The following CNTN4 variants were observed in gnomAD, a reference collection of about 807,000 sequenced individuals.
CNTN4 encodes contactin 4.
Under a neutral mutation model 122.5 loss-of-function variants are expected in CNTN4, and 77 were observed. The observed-to-expected ratio is 0.63, with a 90% CI of 0.52 to 0.76. The LOEUF (loss-of-function observed/expected upper bound fraction) is 0.76, where lower values mean the gene tolerates loss of function less well. Among genes scored for constraint, CNTN4 ranks in the 30% least tolerant of loss-of-function variants. The probability of loss-of-function intolerance (pLI) is 0.00; values close to 1 mark genes in which losing one functional copy is unlikely to be tolerated. For missense variants in CNTN4, 1,256 were observed against 1,259.1 expected, an observed-to-expected ratio of 1.00 and a Z score of 0.04; for synonymous variants, 512 against 447.0, an observed-to-expected ratio of 1.15 and a Z score of -1.83.
At chr3:2,124,549 C>T (rs1031564475) in intron 2 of CNTN4, among the ~76,000 whole-genome samples, 1 of 151,718 alleles carries the variant, frequency 6.6e-6, no homozygotes, top group African/African-American at 2.4e-5. Flanking sequence ...ACCACTTGAG[C>T]CCAGGAGTTC....
intron 4 of CNTN4, among the ~76,000 whole-genome samples, chr3:2,641,615 T>C (rs2082898443): frequency 1.3e-5 from 2 of 152,208 alleles, no homozygotes; most frequent in African/African-American, 4.8e-5. Flanking sequence ...GTGCACCATC[T>C]TCACAATGAC....
At chr3:2,717,749 C>G (rs1226153593) in intron 4 of CNTN4, among the ~76,000 whole-genome samples, 1 of 151,604 alleles carries the variant, frequency 6.6e-6, no homozygotes, top group Admixed American at 6.6e-5. Flanking sequence ...TTTTACATTA[C>G]CACTAGCAAC....
At chr3:3,043,734 T>A (rs1424367349) in intron 23 of CNTN4, 30 bp downstream of exon 23, 1 of 1,443,066 alleles carries the variant, frequency 6.9e-7, no homozygotes, top group Admixed American at 1.7e-5. Context: ...CAAAGGCACC[T>A]AATCGTGCTG....
intron 4 of CNTN4, chr3:2,629,641 C>A (rs2082343954): frequency 2.4e-6 from 1 of 422,320 alleles, no homozygotes; most frequent in African/African-American, 2.1e-5. Context: ...TCTTAGTTTT[C>A]CACAGTTCAT....
intron 4 of CNTN4, among the ~76,000 whole-genome samples, chr3:2,681,584 G>C (rs2085169316): frequency 6.6e-6 from 1 of 151,974 alleles, no homozygotes; most frequent in South Asian, 2.1e-4. Context: ...AGATATGTAG[G>C]TTGTACCTTT....
rs559675802 is a variant in CNTN4, at chr3:2,591,704, C to T, written c.55+20146C>T. On this transcript the variant is annotated intron_variant, in intron 4 of 24. Transcript: ENST00000418658. The stretch of plus-strand genomic sequence containing the variant: ...AAAATTGTAGCCTTCTGAAACTAAG[C>T]GAAAAAAAATATGAGGTGAATTTTT... 9.9e-5 allele frequency among the ~76,000 whole-genome samples: 15 copies of T among 151,364 alleles called. No homozygotes were observed. The East Asian group carries it at 2.3e-3, about 24-fold the overall frequency.
intron 6 of CNTN4, among the ~76,000 whole-genome samples, chr3:2,772,070 C>T (rs912844973): frequency 4.0e-5 from 6 of 151,840 alleles, no homozygotes; most frequent in Non-Finnish European, 5.9e-5. Context: ...AGAGCTAAGG[C>T]GGGGAGATGA....
chr3:2,776,823 G>A lies in CNTN4; in HGVS notation c.358+31126G>A, dbSNP rs529443069. Among the ~76,000 whole-genome samples the A allele has an allele frequency of 1.1e-4, 17 of 152,250 alleles. No individual in the cohort carries two copies. The South Asian group carries it at 3.3e-3, about 30-fold the overall frequency. On this transcript the variant is annotated intron_variant, in intron 6 of 24. Transcript: ENST00000418658. ...ACAAAGTCCTCAGTTACAAATGTGG[G>A]CTAAATGGAAACAGACATACCCCCT...
At chr3:2,128,615 A>G (rs1396351244) in intron 2 of CNTN4, among the ~76,000 whole-genome samples, 1 of 152,224 alleles carries the variant, frequency 6.6e-6, no homozygotes, top group Non-Finnish European at 1.5e-5. Context: ...TGAGGAAGTC[A>G]GTTTGGATGA....
chr3:2,690,530 C>T (rs1376984105), intron 4 of CNTN4, among the ~76,000 whole-genome samples: 1 of 152,104 alleles, frequency 6.6e-6, no homozygotes, highest in Non-Finnish European at 1.5e-5. Flanking sequence ...GTATCCCATC[C>T]ATGAAAGAGG....
intron 2 of CNTN4, among the ~76,000 whole-genome samples, chr3:2,323,221 A>G (rs2043331537): frequency 6.6e-6 from 1 of 152,142 alleles, no homozygotes; most frequent in Non-Finnish European, 1.5e-5. Context: ...AGTCTCCTAT[A>G]GGAAAGCCGG....
rs1006261346 is a variant in CNTN4 at position 2,424,159 on chromosome 3, A to G, written c.-89+84926A>G. ...TATACATCTGCCATGTTGGTGTGCTACACCCATTAACTCGTCATTTACATT... is the reference window on the plus strand; with the variant it reads ...TATACATCTGCCATGTTGGTGTGCTGCACCCATTAACTCGTCATTTACATT... On this transcript the variant is annotated intron_variant, in intron 3 of 24. Coordinates refer to ENST00000418658, the MANE Select transcript of CNTN4 (RefSeq NM_175607.3). Among the ~76,000 whole-genome samples, 9 of 148,918 alleles carry G rather than the reference A, an allele frequency of 6.0e-5. 1 individual carries two copies. Among genetic ancestry groups the G allele is most frequent in the African/African-American group, 2.2e-4 (9 of 40,470 alleles).
At chr3:2,514,676 G>T (rs1049134719) in intron 3 of CNTN4, among the ~76,000 whole-genome samples, 1 of 152,030 alleles carries the variant, frequency 6.6e-6, no homozygotes, top group Non-Finnish European at 1.5e-5. Flanking sequence ...ACCTCTCTGT[G>T]CCTCAATAGC....
At chr3:3,009,234 C>T (rs902090891) in intron 14 of CNTN4, among the ~76,000 whole-genome samples, 1 of 152,146 alleles carries the variant, frequency 6.6e-6, no homozygotes, top group African/African-American at 2.4e-5. Context: ...TCTGGGAGGC[C>T]AGCCTACAGG....
Position 2,867,120 on chromosome 3 carries a change from C to A in CNTN4, c.652+171C>A, listed in dbSNP as rs369973009. 1.1e-4 allele frequency among the ~76,000 whole-genome samples: 17 copies of A among 152,176 alleles called. No individual in the cohort carries two copies. In the South Asian group the frequency reaches 1.5e-3, roughly 13 times the overall value. On this transcript the variant is annotated intron_variant, in intron 8 of 24. Transcript: ENST00000418658. ...TTCTCCACTTGTGTAAGAGATAAACCCATGAATCCATTTTGGAAAACTAAT... is the reference window on the plus strand; with the variant it reads ...TTCTCCACTTGTGTAAGAGATAAACACATGAATCCATTTTGGAAAACTAAT...
chr3:2,639,339 C>T (rs1001552356), intron 4 of CNTN4, among the ~76,000 whole-genome samples: 1 of 152,130 alleles, frequency 6.6e-6, no homozygotes, highest in African/African-American at 2.4e-5. Context: ...CAGGCTTGCA[C>T]CTGCCATCAG....
At chr3:2,211,347 G>A (rs900270601) in intron 2 of CNTN4, among the ~76,000 whole-genome samples, 6 of 152,124 alleles carry the variant, frequency 3.9e-5, no homozygotes, top group Admixed American at 6.5e-5. Flanking sequence ...AATTCAACAT[G>A]AGATTTGGGT....
intron 7 of CNTN4, among the ~76,000 whole-genome samples, chr3:2,828,113 C>G (rs553285267): frequency 2.8e-4 from 43 of 151,946 alleles, no homozygotes; most frequent in Middle Eastern, 3.4e-3. Flanking sequence ...CTCTCTCTCT[C>G]TGTGTGTGTT....
intron 13 of CNTN4, among the ~76,000 whole-genome samples, chr3:2,971,586 C>T (rs1405152513): frequency 6.6e-6 from 1 of 151,866 alleles, no homozygotes; most frequent in African/African-American, 2.4e-5. Flanking sequence ...TAATTCAGTA[C>T]CAATAGATAC....
Sources: gnomAD v4.1 joint callset for allele counts (sites outside exome capture counted in the v4.1 genomes callset) on GRCh38, gnomAD v4.1.1 for gene constraint, MANE v1.5 for transcripts, NCBI Gene and HGNC (gene_info 2026-07-23, HGNC 2026-07-21) for gene names.